Variants in ABI3BP observed in about 807,000 individuals in gnomAD.
ABI3BP encodes target of Nesh-SH3.
ABI3BP carries 216 observed loss-of-function variants against 268.6 expected under a neutral mutation model. The observed-to-expected ratio is 0.80, with a 90% confidence interval of 0.72 to 0.90. The LOEUF is 0.90. ABI3BP is among the 40% of genes least tolerant of loss of function. The pLI is 0.00. For synonymous variants in ABI3BP, 730 were observed against 730.0 expected (o/e 1.00, Z 0.00); for missense variants, 2,090 against 2,182.4 (o/e 0.96, Z 0.84).
chr3:100,926,261 T>G, intron 2 of ABI3BP, 41 bp downstream of exon 2: 1 of 1,601,366 alleles, frequency 6.2e-7, no homozygotes, highest in Non-Finnish European at 8.5e-7. Context: ...CCCCCACCTC[T>G]TACCTCCTTT....
chr3:100,825,004 T>C, intron 35 of ABI3BP, 63 bp from the exon 36 acceptor site: 1 of 1,386,138 alleles, frequency 7.2e-7, no homozygotes, highest in Non-Finnish European at 9.8e-7. Context: ...GAGGAAAGGT[T>C]TTTCCAAAGC....
intron 1 of ABI3BP, among the ~76,000 whole-genome samples, chr3:100,930,289 A>C (rs938823470): frequency 6.6e-6 from 1 of 152,006 alleles, no homozygotes; most frequent in African/African-American, 2.4e-5. Flanking sequence ...GGAACAAAGC[A>C]TATGTCAACA....
chr3:100,985,458 C>G lies in ABI3BP; in HGVS notation c.79+7848G>C, dbSNP rs111370025. 5.1e-3 allele frequency among the ~76,000 whole-genome samples: 776 copies of G among 152,208 alleles called. 7 individuals are homozygous for G. The highest frequency in any genetic ancestry group is 0.016 in the African/African-American group (659 of 41,536). ...GCCACCATGCCTGGCCAGAAAAGCA[C>G]ATTTTTATCAGGACTGTATCATCAG... On this transcript the variant is annotated intron_variant, in intron 1 of 67. Transcript: ENST00000471714.
At chr3:100,977,987 A>G (rs527794661) in intron 1 of ABI3BP, among the ~76,000 whole-genome samples, 4 of 152,256 alleles carry the variant, frequency 2.6e-5, no homozygotes, top group Non-Finnish European at 5.9e-5. Context: ...GCTTGGTAAA[A>G]GGCATCTGTC....
In ABI3BP at chr3:100,753,938, G is replaced by T. The variant is rs1403511495; in HGVS notation, c.4931-90C>A. 12 of 1,316,304 alleles carry T rather than the reference G, an allele frequency of 9.1e-6. No individual in the cohort carries two copies. The Admixed American group carries it at 2.4e-4, about 26-fold the overall frequency. 81.5% of individuals were successfully genotyped at this position (1,316,304 alleles called of 1,614,324 possible). A position where few individuals can be genotyped will look rare whatever the true frequency, so the allele number is the denominator to read the frequency against. ...GTGAAGATGATGGGGGCTTACACTT[G>T]TTAAGAAGTCTTATTTGCAAAATGG... On this transcript the variant is annotated intron_variant, in intron 64 of 67. Transcript: ENST00000471714.
chr3:100,985,644 A>G (rs1445983871), intron 1 of ABI3BP, among the ~76,000 whole-genome samples: 1 of 152,168 alleles, frequency 6.6e-6, no homozygotes, highest in Non-Finnish European at 1.5e-5. Flanking sequence ...CACAGAGGAA[A>G]CCAGCAAAGG....
intron 1 of ABI3BP, among the ~76,000 whole-genome samples, chr3:100,957,961 T>C (rs756338303): frequency 6.6e-6 from 1 of 152,034 alleles, no homozygotes; most frequent in Non-Finnish European, 1.5e-5. Context: ...TGGAGGAAAA[T>C]GGCAAAACAA....
chr3:100,972,262 T>C (rs2083970827), intron 1 of ABI3BP, among the ~76,000 whole-genome samples: 1 of 152,184 alleles, frequency 6.6e-6, no homozygotes, highest in African/African-American at 2.4e-5. Flanking sequence ...CAAATTTTTA[T>C]GTGAAAAACC....
intron 2 of ABI3BP, among the ~76,000 whole-genome samples, chr3:100,904,602 C>G (rs576782002): frequency 6.6e-6 from 1 of 152,136 alleles, no homozygotes; most frequent in Non-Finnish European, 1.5e-5. Flanking sequence ...ACCGTACTTT[C>G]CATGTGAACC....
chr3:100,989,818 G>T (rs558157111), intron 1 of ABI3BP, among the ~76,000 whole-genome samples: 2 of 152,300 alleles, frequency 1.3e-5, no homozygotes, highest in South Asian at 4.1e-4. Flanking sequence ...AAAGAAAAAA[G>T]GCCAATGGTG....
In ABI3BP at chr3:100,830,160, TATATAA is replaced by T. The variant is rs1389294219; in HGVS notation, c.2458+412_2458+417del. 1.6e-4 allele frequency among the ~76,000 whole-genome samples: 14 copies of T among 87,870 alleles called. 1 individual carries two copies. The highest frequency in any genetic ancestry group is 6.3e-4 in the African/African-American group (14 of 22,366). The allele number at this position is 87,870 out of a possible 152,430, so 57.6% of individuals were successfully genotyped here. On this transcript the variant is annotated intron_variant, in intron 32 of 67. Transcript: ENST00000471714. ...ATATATATATATATATATATATATA[TATATAA>T]AATGCAGATAGTAAAAATGTAGAAA...
At chr3:100,866,980 T>C in intron 9 of ABI3BP, 24 bp from the exon 10 acceptor site, 1 of 1,596,414 alleles carries the variant, frequency 6.3e-7, no homozygotes, top group Non-Finnish European at 8.6e-7. Flanking sequence ...GAACAAACAA[T>C]TTATCTCACT....
intron 36 of ABI3BP, among the ~76,000 whole-genome samples, chr3:100,824,292 C>T (rs1384607976): frequency 6.6e-6 from 1 of 152,148 alleles, no homozygotes; most frequent in Non-Finnish European, 1.5e-5. Context: ...CACATGTGGT[C>T]CTTCTGCCCT....
rs139743867 is a variant in ABI3BP, at chr3:100,786,262, C to A, written c.4162+1466G>T. Among the ~76,000 whole-genome samples the A allele has an allele frequency of 3.6e-3, 542 of 152,178 alleles. 5 individuals carry two copies. The highest frequency in any genetic ancestry group is 5.3e-3 in the Non-Finnish European group (359 of 67,988). ...TGAGCTCAGCTTTGTCTACCTGTGC[C>A]CACCAGCCCAATTTCTCCCAACAAT... On this transcript the variant is annotated intron_variant, in intron 57 of 67. Transcript: ENST00000471714.
At chr3:100,793,966 T>C (rs182065290) in intron 54 of ABI3BP, among the ~76,000 whole-genome samples, 2 of 152,122 alleles carry the variant, frequency 1.3e-5, no homozygotes, top group Admixed American at 1.3e-4. Context: ...CTTTCCAACT[T>C]ACCCATCCTT....
At chr3:100,924,007 C>G (rs530616182) in intron 2 of ABI3BP, among the ~76,000 whole-genome samples, 2 of 152,104 alleles carry the variant, frequency 1.3e-5, no homozygotes, top group Non-Finnish European at 2.9e-5. Context: ...CTGTAAAGTA[C>G]TACATTCCCC....
At chr3:100,919,381 G>A (rs902313760) in intron 2 of ABI3BP, among the ~76,000 whole-genome samples, 4 of 151,996 alleles carry the variant, frequency 2.6e-5, no homozygotes, top group African/African-American at 9.7e-5. Context: ...GAGAAGAAGA[G>A]AACAACTGAA....
intron 1 of ABI3BP, among the ~76,000 whole-genome samples, chr3:100,981,449 T>A (rs1009034259): frequency 3.3e-5 from 5 of 151,632 alleles, no homozygotes; most frequent in Non-Finnish European, 5.9e-5. Flanking sequence ...GGATGAAAGT[T>A]TAGGAAAGAG....
intron 1 of ABI3BP, among the ~76,000 whole-genome samples, chr3:100,979,709 C>G (rs1039059145): frequency 6.6e-6 from 1 of 152,056 alleles, no homozygotes; most frequent in African/African-American, 2.4e-5. Flanking sequence ...TACTTGTTGT[C>G]TTAATTTTCC....
Sources: allele counts gnomAD v4.1 joint callset (sites outside exome capture counted in the v4.1 genomes callset), GRCh38; gene constraint gnomAD v4.1.1; transcripts MANE v1.5; gene names NCBI Gene and HGNC (gene_info 2026-07-23, HGNC 2026-07-21).